MDFI: variants seen among roughly 807,000 people sequenced by gnomAD.
MDFI encodes MyoD family inhibitor.
A neutral mutation model predicts 22.3 loss-of-function variants in MDFI; 16 were observed. That is an observed-to-expected ratio of 0.72 (90% confidence interval 0.49 to 1.09). The LOEUF (loss-of-function observed/expected upper bound fraction) is 1.09, where lower values mean the gene tolerates loss of function less well. MDFI is among the 50% of genes least tolerant of loss of function. MDFI has a pLI of 0.00. For synonymous variants in MDFI, 145 were observed against 142.7 expected, an observed-to-expected ratio of 1.02 and a Z score of -0.12; for missense variants, 314 against 326.1, an observed-to-expected ratio of 0.96 and a Z score of 0.29.
At chr6:41,650,592 G>C (rs867744731) in intron 4 of MDFI, among the ~76,000 whole-genome samples, 1 of 26,134 alleles carries the variant, frequency 3.8e-5, no homozygotes, top group Non-Finnish European at 8.2e-5. Flanking sequence ...TTTTTTTTTT[G>C]AGATGGAGTC....
rs772499328 is a variant in MDFI at position 41,638,769 on chromosome 6, A to T, written c.20A>T (p.Gln7Leu). The change falls in exon 2 of 5, where the codon CAG (glutamine) becomes CTG (leucine). Residue 7 changes from glutamine (Q) to leucine (L), a missense_variant. Transcript: ENST00000230321. The surrounding 1 kb of genome is among the most constrained non-coding windows in gnomAD (Gnocchi z 7.6). ...GGGCCGATGTACCAGGTGAGCGGCC[A>T]GCGCCCCTCTGGCTGCGACGCGCCC... is the stretch of plus-strand genomic sequence containing the variant. MYQVSG[Q>L]RPSGCDAPYG... The T allele has an allele frequency of 6.4e-7, 1 of 1,571,042 alleles. No homozygotes were observed. The highest frequency in any genetic ancestry group is 8.6e-7 in the Non-Finnish European group (1 of 1,164,280).
At chr6:41,641,879 A>G (rs1025062371) in intron 2 of MDFI, among the ~76,000 whole-genome samples, 5 of 151,982 alleles carry the variant, frequency 3.3e-5, no homozygotes, top group African/African-American at 1.2e-4. Context: ...CCACCCCTCA[A>G]CTTGGTGGAT....
chr6:41,647,090 G>T (rs2127432391), intron 3 of MDFI, among the ~76,000 whole-genome samples: 1 of 152,320 alleles, frequency 6.6e-6, no homozygotes, highest in East Asian at 1.9e-4. Context: ...GCCTCCTCCA[G>T]CCAGGGCATC....
At chr6:41,646,090 A>G (rs765443879) in intron 2 of MDFI, 36 bp from the exon 3 acceptor site, 4 of 1,424,182 alleles carry the variant, frequency 2.8e-6, no homozygotes, top group Non-Finnish European at 3.7e-6. Flanking sequence ...GGAAGGCCCC[A>G]GGAAAATGGA....
In MDFI at chr6:41,638,862, C is replaced by A. The variant is rs992674930; in HGVS notation, c.76+37C>A. On this transcript the variant is annotated intron_variant, in intron 2 of 4. Transcript: ENST00000230321. The surrounding 1 kb of genome is among the most constrained non-coding windows in gnomAD (Gnocchi z 7.6). The stretch of plus-strand genomic sequence containing the variant: ...AGTGGCGAGCGAAGCTGGACAGGGG[C>A]GGGTGGGCGGCTGAAGGGGCCAGTT... 2 of 1,521,254 alleles carry A rather than the reference C, an allele frequency of 1.3e-6. No homozygotes were observed. The highest frequency in any genetic ancestry group is 2.0e-5 in the Admixed American group (1 of 48,902). 94.2% of individuals were successfully genotyped at this position (1,521,254 alleles called of 1,614,324 possible).
chr6:41,639,331 T>C, intron 2 of MDFI: 1 of 985,036 alleles, frequency 1.0e-6, no homozygotes, highest in Non-Finnish European at 1.2e-6. Flanking sequence ...CCATCCCTTC[T>C]CCCTCGCCTT....
At chr6:41,643,001 G>T (rs1767906528) in intron 2 of MDFI, among the ~76,000 whole-genome samples, 1 of 152,130 alleles carries the variant, frequency 6.6e-6, no homozygotes, top group Admixed American at 6.5e-5. Context: ...AGGGGGAGCA[G>T]GGCAGGGAGC....
At chr6:41,639,356 C>T in intron 2 of MDFI, 3 of 985,374 alleles carry the variant, frequency 3.0e-6, no homozygotes, top group Non-Finnish European at 3.6e-6. Flanking sequence ...CCCTCTCGTG[C>T]CGGCCAGTCC....
chr6:41,642,183 G>A (rs950556998), intron 2 of MDFI, among the ~76,000 whole-genome samples: 5 of 152,110 alleles, frequency 3.3e-5, no homozygotes, highest in South Asian at 2.1e-4. Context: ...ATTAGAAAAA[G>A]GAACCCCCTT....
Position 41,653,829 on chromosome 6 carries a change from T to C in MDFI, c.*254T>C, listed in dbSNP as rs1435729886. The C allele has an allele frequency of 7.3e-6, 4 of 551,434 alleles. No homozygotes were observed. In the Admixed American group the frequency reaches 1.2e-4, roughly 17 times the overall value. The allele number at this position is 551,434 out of a possible 1,614,324, so 34.2% of individuals were successfully genotyped here. ...ACTCTTTACTGGGTTACCAGGTTCA[T>C]ACATTGCTGAGGACCTGACAGGACA... On this transcript the variant is annotated 3_prime_UTR_variant, in exon 5 of 5. Transcript: ENST00000230321. This position sits in a 1 kb window ranked among gnomAD's most constrained non-coding sequence, Gnocchi z 4.2.
chr6:41,638,670 G>A lies in MDFI; in HGVS notation c.-12+18G>A. 7.0e-7 allele frequency: 1 copy of A among 1,430,416 alleles called. No individual in the cohort carries two copies. Among genetic ancestry groups the A allele is most frequent in the Non-Finnish European group, 9.5e-7 (1 of 1,053,344 alleles). 88.6% of individuals were successfully genotyped at this position (1,430,416 alleles called of 1,614,324 possible). Reference sequence around the variant, plus strand: ...TCGCACGAGTGAGTGGACGTGGGAGGCGCGCATCTGCGGGGGAATCGCCCC... The same window carrying A: ...TCGCACGAGTGAGTGGACGTGGGAGACGCGCATCTGCGGGGGAATCGCCCC... On this transcript the variant is annotated intron_variant, in intron 1 of 4. Transcript: ENST00000230321. The surrounding 1 kb of genome is among the most constrained non-coding windows in gnomAD (Gnocchi z 7.6).
At chr6:41,652,258 G>A (rs1019268189) in intron 4 of MDFI, among the ~76,000 whole-genome samples, 1 of 152,224 alleles carries the variant, frequency 6.6e-6, no homozygotes, top group Non-Finnish European at 1.5e-5. Flanking sequence ...CGCCTGCATG[G>A]CCAAGGAGCA....
At chr6:41,646,086 C>T (rs771030108) in intron 2 of MDFI, 40 bp from the exon 3 acceptor site, 2 of 1,420,370 alleles carry the variant, frequency 1.4e-6, no homozygotes, top group South Asian at 1.6e-5. Context: ...AACAGGAAGG[C>T]CCCAGGAAAA....
chr6:41,652,660 CTGGAGTGCAA>C (rs1356416927), intron 4 of MDFI, among the ~76,000 whole-genome samples: 85 of 135,222 alleles, frequency 6.3e-4, no homozygotes, highest in Non-Finnish European at 8.4e-4. Context: ...GTTGCCCAGG[CTGGAGTGCAA>C]TGGTGTGATC....
intron 2 of MDFI, chr6:41,639,330 C>T: frequency 2.0e-6 from 2 of 985,422 alleles, no homozygotes; most frequent in Non-Finnish European, 2.4e-6. Flanking sequence ...GCCATCCCTT[C>T]TCCCTCGCCT....
Position 41,638,673 on chromosome 6 carries a change from C to A in MDFI, c.-12+21C>A. The stretch of plus-strand genomic sequence containing the variant: ...CACGAGTGAGTGGACGTGGGAGGCG[C>A]GCATCTGCGGGGGAATCGCCCCTTG... On this transcript the variant is annotated intron_variant, in intron 1 of 4. Transcript: ENST00000230321. This position sits in a 1 kb window ranked among gnomAD's most constrained non-coding sequence, Gnocchi z 7.6. 1.4e-6 allele frequency: 2 copies of A among 1,440,750 alleles called. No individual in the cohort carries two copies. Among genetic ancestry groups the A allele is most frequent in the Non-Finnish European group, 9.4e-7 (1 of 1,062,050 alleles). The allele number at this position is 1,440,750 out of a possible 1,614,324, so 89.2% of individuals were successfully genotyped here. A position where few individuals can be genotyped will look rare whatever the true frequency, so the allele number is the denominator to read the frequency against.
chr6:41,650,102 T>G, intron 4 of MDFI: 1 of 433,930 alleles, frequency 2.3e-6, no homozygotes, highest in Non-Finnish European at 4.0e-6. Context: ...CAAGGCCACC[T>G]CCCCACCCCA....
intron 2 of MDFI, among the ~76,000 whole-genome samples, chr6:41,643,576 A>AGGAGGGAG (rs1209257493): frequency 3.7e-4 from 27 of 73,410 alleles, no homozygotes; most frequent in Admixed American, 4.8e-4. Context: ...GAAGGAAGGA[A>AGGAGGGAG]GGAGGGAGGG....
chr6:41,649,556 A>C (rs1314021464), intron 3 of MDFI, 63 bp from the exon 4 acceptor site: 2 of 1,422,450 alleles, frequency 1.4e-6, no homozygotes, highest in African/African-American at 1.4e-5. Flanking sequence ...GGATTCGAGC[A>C]TAGCTCTGGG....
Sources: gnomAD v4.1 joint callset for allele counts (sites outside exome capture counted in the v4.1 genomes callset) on GRCh38, gnomAD v4.1.1 for gene constraint, Gnocchi (gnomAD v3.1) non-coding constraint, MANE v1.5 for transcripts, NCBI Gene and HGNC (gene_info 2026-07-23, HGNC 2026-07-21) for gene names.